NME7: variants seen among roughly 807,000 people sequenced by gnomAD.
NME7 encodes the protein NME/NM23 family member 7.
NME7 carries 41 observed loss-of-function variants against 49.1 expected under a neutral mutation model. The ratio of observed to expected loss-of-function variants is 0.83; its 90% CI spans 0.65 to 1.08. The LOEUF (loss-of-function observed/expected upper bound fraction) is 1.08, where lower values mean the gene tolerates loss of function less well. Among genes scored for constraint, NME7 ranks in the 50% least tolerant of loss-of-function variants. The pLI, the probability that NME7 is intolerant of heterozygous loss-of-function variation, is 0.00. For missense variants in NME7, 423 were observed against 463.4 expected (o/e 0.91, Z 0.80); for synonymous variants, 139 against 150.6 (o/e 0.92, Z 0.56).
chr1:169,227,805 C>T (rs1647406087), intron 10 of NME7, among the ~76,000 whole-genome samples: 1 of 152,066 alleles, frequency 6.6e-6, no homozygotes, highest in Non-Finnish European at 1.5e-5. Flanking sequence ...TTTTCGTGGA[C>T]ACATTCAAAC....
chr1:169,285,001 TC>T (rs1265205478), intron 7 of NME7: 1 of 152,158 alleles, frequency 6.6e-6, no homozygotes, highest in African/African-American at 2.4e-5. Context: ...AAGAACTTTT[TC>T]AAAATGTGAG....
intron 4 of NME7, among the ~76,000 whole-genome samples, chr1:169,304,445 TA>T (rs1032300606): frequency 2.0e-5 from 3 of 152,210 alleles, no homozygotes; most frequent in African/African-American, 7.2e-5. Context: ...TGAATTTACA[TA>T]ACAAGTTATA....
intron 6 of NME7, among the ~76,000 whole-genome samples, chr1:169,291,407 G>A (rs1473817956): frequency 6.6e-6 from 1 of 152,000 alleles, no homozygotes; most frequent in Admixed American, 6.6e-5. Context: ...AACTAACACA[G>A]GAAGAGAAAA....
At chr1:169,283,662 A>G (rs1210557324) in intron 7 of NME7, among the ~76,000 whole-genome samples, 1 of 152,020 alleles carries the variant, frequency 6.6e-6, no homozygotes, top group Non-Finnish European at 1.5e-5. Flanking sequence ...TTCCCTCAGC[A>G]TTTGCTTGTC....
At chr1:169,155,211 TATCA>T (rs67773219) in intron 11 of NME7, among the ~76,000 whole-genome samples, 57,165 of 151,784 alleles carry the variant, frequency 0.38, 11,189 homozygotes, top group East Asian at 0.73. Context: ...TGAATAAAAT[TATCA>T]ATCAAAGACT....
At chr1:169,253,538 A>T (rs1029404430) in intron 7 of NME7, among the ~76,000 whole-genome samples, 1 of 152,040 alleles carries the variant, frequency 6.6e-6, no homozygotes, top group African/African-American at 2.4e-5. Context: ...TCTTTTCCTA[A>T]TTGAATACCC....
intron 10 of NME7, among the ~76,000 whole-genome samples, chr1:169,186,112 A>C (rs889436581): frequency 6.6e-6 from 1 of 152,174 alleles, no homozygotes; most frequent in Non-Finnish European, 1.5e-5. Flanking sequence ...AACTCTAGGC[A>C]ATACAGGAAG....
chr1:169,326,199 T>G (rs911518962), intron 1 of NME7, among the ~76,000 whole-genome samples: 14 of 152,112 alleles, frequency 9.2e-5, no homozygotes, highest in African/African-American at 3.4e-4. Context: ...CCAACCACAC[T>G]CTTTAATTCT....
chr1:169,264,571 T>A lies in NME7; in HGVS notation c.754+22732A>T, dbSNP rs1307188815. Among the ~76,000 whole-genome samples, 2 of 133,624 alleles carry A rather than the reference T, an allele frequency of 1.5e-5. 1 individual carries two copies. Among genetic ancestry groups the A allele is most frequent in the East Asian group, 4.0e-4 (2 of 5,038 alleles). The allele number at this position is 133,624 out of a possible 152,430, so 87.7% of individuals were successfully genotyped here. A position where few individuals can be genotyped will look rare whatever the true frequency, so the allele number is the denominator to read the frequency against. On this transcript the variant is annotated intron_variant, in intron 7 of 11. Transcript: ENST00000367811. The stretch of plus-strand genomic sequence containing the variant: ...CTAAAAATTTAGGATTCAACTATCC[T>A]AAATCTATAGGCACCCAATACAGGT...
At chr1:169,311,825 AT>A (rs1250012252) in intron 3 of NME7, among the ~76,000 whole-genome samples, 1 of 152,176 alleles carries the variant, frequency 6.6e-6, no homozygotes, top group Non-Finnish European at 1.5e-5. Context: ...ATGTAATCTG[AT>A]TTTCTCTTAA....
At chr1:169,169,183 C>T in intron 11 of NME7, 1 of 374,742 alleles carries the variant, frequency 2.7e-6, no homozygotes, top group Admixed American at 4.0e-5. Flanking sequence ...CCAAGGGGAA[C>T]ATCACATACC....
At chr1:169,352,777 GA>G (rs992070560) in intron 1 of NME7, among the ~76,000 whole-genome samples, 8 of 151,288 alleles carry the variant, frequency 5.3e-5, no homozygotes, top group Non-Finnish European at 1.0e-4. Context: ...TGAACAATCT[GA>G]AAAAAAATTT....
At chr1:169,138,480 C>T (rs1658496379) in intron 11 of NME7, among the ~76,000 whole-genome samples, 1 of 152,098 alleles carries the variant, frequency 6.6e-6, no homozygotes, top group Non-Finnish European at 1.5e-5. Context: ...GAGGCCAAGG[C>T]AGGAGGATCA....
intron 1 of NME7, among the ~76,000 whole-genome samples, chr1:169,344,592 A>G (rs77918985): frequency 6.6e-6 from 1 of 152,148 alleles, no homozygotes; most frequent in Non-Finnish European, 1.5e-5. Context: ...ATGGTATTTG[A>G]TTTTGTAAAG....
intron 1 of NME7, among the ~76,000 whole-genome samples, chr1:169,332,154 G>GA (rs1302266947): frequency 6.6e-6 from 1 of 151,916 alleles, no homozygotes; most frequent in Non-Finnish European, 1.5e-5. Flanking sequence ...AGAGAACCCA[G>GA]AAAAAATCCA....
intron 11 of NME7, among the ~76,000 whole-genome samples, chr1:169,143,273 C>CTTTTTTTTT (rs71299493): frequency 3.1e-5 from 3 of 98,206 alleles, no homozygotes; most frequent in Non-Finnish European, 4.2e-5. Context: ...TCACCTCAGG[C>CTTTTTTTTT]TTTTTTTTTT....
At position 169,342,667 on chromosome 1, in the gene NME7, GTA is replaced by G. The variant is rs573093140; in HGVS notation, c.4-18169_4-18168del. On this transcript the variant is annotated intron_variant, in intron 1 of 11. Transcript: ENST00000367811. ...ATATATACAAGTACATATATATATAGTATATATATATACAAGTACATATATAT... is the reference window on the plus strand; with the variant it reads ...ATATATACAAGTACATATATATATAGTATATATATACAAGTACATATATAT... Among the ~76,000 whole-genome samples the G allele has an allele frequency of 1.1e-3, 29 of 25,336 alleles. 2 individuals are homozygous for G. The South Asian group carries it at 0.025, about 22-fold the overall frequency. 16.6% of individuals were successfully genotyped at this position (25,336 alleles called of 152,430 possible).
chr1:169,282,109 A>G (rs942076822), intron 7 of NME7, among the ~76,000 whole-genome samples: 15 of 152,156 alleles, frequency 9.9e-5, no homozygotes, highest in African/African-American at 3.6e-4. Context: ...GCTATTAATT[A>G]TTGCCTCAAT....
At chr1:169,305,963 T>C (rs1399821033) in intron 4 of NME7, among the ~76,000 whole-genome samples, 3 of 152,200 alleles carry the variant, frequency 2.0e-5, no homozygotes, top group South Asian at 2.1e-4. Flanking sequence ...TGAAGTGATA[T>C]GAATGATTAG....
Sources: allele counts gnomAD v4.1 joint callset (sites outside exome capture counted in the v4.1 genomes callset), GRCh38; gene constraint gnomAD v4.1.1; transcripts MANE v1.5; gene names NCBI Gene and HGNC (gene_info 2026-07-23, HGNC 2026-07-21).